Variants in CSMD1 observed in about 807,000 individuals in gnomAD.
CSMD1 encodes the protein CUB and sushi domain-containing protein 1.
CSMD1 carries 213 observed loss-of-function variants against 417.5 expected under a neutral mutation model. That is an observed-to-expected ratio of 0.51 (90% CI 0.46 to 0.57). The LOEUF (loss-of-function observed/expected upper bound fraction) is 0.57. CSMD1 is among the 20% of genes least tolerant of loss of function. CSMD1 has a pLI of 0.00. For missense variants in CSMD1, 6,923 were observed against 4,529.7 expected (o/e 1.53, Z -15.17); for synonymous variants, 2,862 against 1,736.8 (o/e 1.65, Z -16.11).
chr8:4,678,309 G>A (rs1187916017), intron 1 of CSMD1, among the ~76,000 whole-genome samples: 1 of 151,962 alleles, frequency 6.6e-6, no homozygotes, highest in Non-Finnish European at 1.5e-5. Flanking sequence ...TACTTGGGAG[G>A]GTGAGGCATG....
In CSMD1 at chr8:3,455,485, G is replaced by GT. The variant is rs1816055601; in HGVS notation, c.1561+13226dup. Among the ~76,000 whole-genome samples, 4 of 152,110 alleles carry GT rather than the reference G, an allele frequency of 2.6e-5. No homozygotes were observed. In the South Asian group the frequency reaches 8.3e-4, roughly 32 times the overall value. ...TTGATGATGGTGATGTACAGATGGG[G>GT]TTTTGGTGTGGATGTCCTTTCTGTT... On this transcript the variant is annotated intron_variant, in intron 12 of 69. Transcript: ENST00000635120.
chr8:3,191,905 A>C (rs1796447761), intron 33 of CSMD1, among the ~76,000 whole-genome samples: 1 of 152,182 alleles, frequency 6.6e-6, no homozygotes, highest in African/African-American at 2.4e-5. Context: ...TCCTAAATGC[A>C]CAGTCCTTTA....
chr8:3,873,251 G>T (rs1805601908), intron 5 of CSMD1, among the ~76,000 whole-genome samples: 1 of 151,948 alleles, frequency 6.6e-6, no homozygotes, highest in Non-Finnish European at 1.5e-5. Flanking sequence ...GACACATGCA[G>T]GTGTATGTTC....
rs1481701 is a variant in CSMD1 at position 3,810,446 on chromosome 8, C to G, written c.819-56404G>C. 8.7e-3 allele frequency among the ~76,000 whole-genome samples: 1,329 copies of G among 152,092 alleles called. 20 individuals are homozygous for G. The highest frequency in any genetic ancestry group is 0.031 in the African/African-American group (1,296 of 41,490). On this transcript the variant is annotated intron_variant, in intron 5 of 69. Coordinates refer to ENST00000635120, the MANE Select transcript of CSMD1 (RefSeq NM_033225.6). ...TGTTAAGAAGGGATCGAAGGGAGCA[C>G]GGGAGGACCTGGGCACACTGCAGAC...
At chr8:4,733,423 G>C (rs1380399041) in intron 1 of CSMD1, among the ~76,000 whole-genome samples, 1 of 152,194 alleles carries the variant, frequency 6.6e-6, no homozygotes, top group Non-Finnish European at 1.5e-5. Context: ...GAAGGAAACA[G>C]ACATAGAGGG....
At chr8:4,145,260 G>C (rs376074555) in intron 3 of CSMD1, among the ~76,000 whole-genome samples, 2 of 150,950 alleles carry the variant, frequency 1.3e-5, no homozygotes, top group African/African-American at 5.0e-5. Context: ...GGTATAACTG[G>C]AACTTGTAGA....
chr8:4,610,650 T>A (rs889560690), intron 2 of CSMD1, among the ~76,000 whole-genome samples: 1 of 152,180 alleles, frequency 6.6e-6, no homozygotes, highest in Non-Finnish European at 1.5e-5. Context: ...TTATAAATAG[T>A]TGATTTAATT....
chr8:3,701,796 C>T (rs1482199), intron 7 of CSMD1, among the ~76,000 whole-genome samples: 145,066 of 152,256 alleles, frequency 0.95, 69,164 homozygotes, highest in East Asian at 1. Context: ...CTTCTAAAAA[C>T]AGAGATACAA....
chr8:3,587,318 A>T (rs964133182), intron 8 of CSMD1, among the ~76,000 whole-genome samples: 10 of 152,228 alleles, frequency 6.6e-5, no homozygotes, highest in African/African-American at 2.4e-4. Context: ...CTGGCATTGA[A>T]TTAAATGTAG....
chr8:4,334,997 G>A (rs183568436), intron 3 of CSMD1, among the ~76,000 whole-genome samples: 10 of 152,120 alleles, frequency 6.6e-5, no homozygotes, highest in African/African-American at 1.9e-4. Context: ...TTTAAGCTCC[G>A]TTGCCTAAGT....
intron 5 of CSMD1, among the ~76,000 whole-genome samples, chr8:3,992,516 G>T (rs1196427642): frequency 6.6e-6 from 1 of 152,194 alleles, no homozygotes; most frequent in Non-Finnish European, 1.5e-5. Context: ...TGGCTGTTGT[G>T]GCTCATGCCT....
intron 11 of CSMD1, among the ~76,000 whole-genome samples, chr8:3,491,032 C>T (rs182592185): frequency 3.2e-3 from 486 of 152,162 alleles, no homozygotes; most frequent in Middle Eastern, 6.8e-3. Flanking sequence ...CTCTTCATCC[C>T]CAAATTCCTC....
At chr8:3,405,037 C>G (rs371990727) in intron 15 of CSMD1, among the ~76,000 whole-genome samples, 77 of 152,082 alleles carry the variant, frequency 5.1e-4, no homozygotes, top group African/African-American at 1.8e-3. Context: ...TTTAAGAGTC[C>G]TACTAAGAAT....
At chr8:3,675,491 A>G (rs1799325641) in intron 7 of CSMD1, among the ~76,000 whole-genome samples, 1 of 152,210 alleles carries the variant, frequency 6.6e-6, no homozygotes, top group African/African-American at 2.4e-5. Context: ...TTTGTGTCCC[A>G]CCAAAATTCA....
chr8:4,799,858 T>C lies in CSMD1; in HGVS notation c.86-162300A>G, dbSNP rs544360755. ...CTTTCCAGCATTAGAAACTTTAACC[T>C]GTGTAAGAAAGTACTCAAACATTCA... is the stretch of plus-strand genomic sequence containing the variant. On this transcript the variant is annotated intron_variant, in intron 1 of 69. Coordinates refer to ENST00000635120, the MANE Select transcript of CSMD1 (RefSeq NM_033225.6). Among the ~76,000 whole-genome samples the C allele has an allele frequency of 3.9e-5, 6 of 152,100 alleles. No homozygotes were observed. In the South Asian group the frequency reaches 1.0e-3, roughly 26 times the overall value.
At chr8:3,810,020 A>T (rs1191583398) in intron 5 of CSMD1, among the ~76,000 whole-genome samples, 1 of 152,156 alleles carries the variant, frequency 6.6e-6, no homozygotes, top group African/African-American at 2.4e-5. Flanking sequence ...ATGCAAAATT[A>T]ATTGCTGCCA....
At chr8:4,288,642 C>G (rs1797192885) in intron 3 of CSMD1, among the ~76,000 whole-genome samples, 1 of 152,196 alleles carries the variant, frequency 6.6e-6, no homozygotes, top group African/African-American at 2.4e-5. Context: ...GCCACCAACT[C>G]TGCCGCCCTC....
intron 7 of CSMD1, among the ~76,000 whole-genome samples, chr8:3,626,509 G>A (rs142869129): frequency 0.013 from 1,928 of 152,062 alleles, 28 homozygotes; most frequent in Admixed American, 0.023. Flanking sequence ...TATAGTTATA[G>A]TTAAACATAA....
In CSMD1 at chr8:4,356,969, G is replaced by A. The variant is rs140329009; in HGVS notation, c.415+62984C>T. Among the ~76,000 whole-genome samples the A allele has an allele frequency of 5.2e-3, 799 of 152,258 alleles. 10 individuals are homozygous for A. The highest frequency in any genetic ancestry group is 0.018 in the African/African-American group (762 of 41,540). ...AATATAATAGCAACTGAAAGACTTT[G>A]CAGCTATGTGAATATGTGAATATAT... On this transcript the variant is annotated intron_variant, in intron 3 of 69. Transcript: ENST00000635120.
Sources: gnomAD v4.1 joint callset for allele counts (sites outside exome capture counted in the v4.1 genomes callset) on GRCh38, gnomAD v4.1.1 for gene constraint, MANE v1.5 for transcripts, NCBI Gene and HGNC (gene_info 2026-07-23, HGNC 2026-07-21) for gene names.